The following OSBP variants were observed in gnomAD, a reference collection of about 807,000 sequenced individuals.
OSBP encodes oxysterol-binding protein 1.
A neutral mutation model predicts 96.6 loss-of-function variants in OSBP; 32 were observed. The observed-to-expected ratio is 0.33, with a 90% CI of 0.25 to 0.45. OSBP has a LOEUF of 0.45. Ranked by LOEUF, OSBP falls within the 20% of genes least tolerant of loss-of-function variation. The pLI, the probability that OSBP is intolerant of heterozygous loss-of-function variation, is 1.00. For missense variants in OSBP, 653 were observed against 1,029.7 expected (o/e 0.63, Z 5.01); for synonymous variants, 369 against 389.6 (o/e 0.95, Z 0.62).
intron 1 of OSBP, among the ~76,000 whole-genome samples, chr11:59,612,898 G>A (rs1860869255): frequency 6.6e-6 from 1 of 152,156 alleles, no homozygotes; most frequent in Non-Finnish European, 1.5e-5. Context: ...GGGTACGTAA[G>A]GAAGCCCAGG....
intron 11 of OSBP, 78 bp from the exon 12 acceptor site, chr11:59,578,408 G>C (rs1176886753): frequency 1.4e-5 from 19 of 1,383,704 alleles, no homozygotes; most frequent in Non-Finnish European, 1.9e-5. Context: ...GGAAGTCCTA[G>C]GATAAATAAT....
chr11:59,601,683 C>A lies in OSBP; in HGVS notation c.978G>T (p.Thr326=). Reference sequence around the variant, plus strand: ...TGCCAGGAGTGTTTGCCGGCAGCACCGTGGCTCCTCGGAAGGCCCTCTCCA... The same window carrying A: ...TGCCAGGAGTGTTTGCCGGCAGCACAGTGGCTCCTCGGAAGGCCCTCTCCA... The part of the protein sequence containing the change: ...NHLERAFRGA[T]VLPANTPGNV... The change falls in exon 4 of 14, where the codon ACG becomes ACT. Residue 326 remains threonine, a synonymous_variant. Transcript: ENST00000263847. 6.2e-7 allele frequency: 1 copy of A among 1,613,356 alleles called. No individual in the cohort carries two copies. Among genetic ancestry groups the A allele is most frequent in the Non-Finnish European group, 8.5e-7 (1 of 1,180,026 alleles).
chr11:59,610,663 A>G, intron 1 of OSBP, 74 bp from the exon 2 acceptor site: 2 of 1,223,822 alleles, frequency 1.6e-6, no homozygotes, highest in East Asian at 2.4e-5. Flanking sequence ...ATTTCTTTTC[A>G]TAACTCTGAG....
Position 59,583,628 on chromosome 11 carries a change from ATC to A in OSBP, c.1679-2076_1679-2075del, listed in dbSNP as rs1358890220. 9.3e-5 allele frequency among the ~76,000 whole-genome samples: 13 copies of A among 139,536 alleles called. No individual in the cohort carries two copies. The East Asian group carries it at 1.4e-3, about 16-fold the overall frequency. 91.5% of individuals were successfully genotyped at this position (139,536 alleles called of 152,430 possible). On this transcript the variant is annotated intron_variant, in intron 9 of 13. Coordinates refer to ENST00000263847, the MANE Select transcript of OSBP (RefSeq NM_002556.3). The stretch of plus-strand genomic sequence containing the variant: ...TTTGCTCCACCTAAACATATTCTAA[ATC>A]TCTGTTTTTTTTTTTTTTTTTTTTT...
Position 59,601,653 on chromosome 11 carries a change from C to G in OSBP, c.1008G>C (p.Val336=). 1 of 1,612,718 alleles carries G rather than the reference C, an allele frequency of 6.2e-7. No individual in the cohort carries two copies. The highest frequency in any genetic ancestry group is 8.5e-7 in the Non-Finnish European group (1 of 1,180,014). Residue 336 remains valine, a synonymous_variant, in exon 4 of 14, where the codon GTG becomes GTC. Transcript: ENST00000263847. ...TVLPANTPGN[V]GSGKDQCCSG... ...TAAGTGTCTTACCTTTACCAGAACCCACATTGCCAGGAGTGTTTGCCGGCA... is the reference window on the plus strand; with the variant it reads ...TAAGTGTCTTACCTTTACCAGAACCGACATTGCCAGGAGTGTTTGCCGGCA...
Position 59,587,140 on chromosome 11 carries a change from T to C in OSBP, c.1679-5586A>G, listed in dbSNP as rs377578318. Among the ~76,000 whole-genome samples the C allele has an allele frequency of 3.9e-5, 6 of 152,258 alleles. No individual in the cohort carries two copies. In the South Asian group the frequency reaches 1.0e-3, roughly 26 times the overall value. On this transcript the variant is annotated intron_variant, in intron 9 of 13. Transcript: ENST00000263847. ...AATCATATATCTGATAAGGGATTAATATCTAGAATATACGGAGAACTCCTA... is the reference window on the plus strand; with the variant it reads ...AATCATATATCTGATAAGGGATTAACATCTAGAATATACGGAGAACTCCTA...
At chr11:59,603,352 A>C (rs935828838) in intron 3 of OSBP, among the ~76,000 whole-genome samples, 1 of 152,192 alleles carries the variant, frequency 6.6e-6, no homozygotes. Flanking sequence ...AGAAGCTAAA[A>C]GGTAAACAGG....
intron 1 of OSBP, among the ~76,000 whole-genome samples, chr11:59,612,533 G>T (rs1031034249): frequency 2.0e-5 from 3 of 152,118 alleles, no homozygotes; most frequent in Non-Finnish European, 4.4e-5. Context: ...GTAAACTAAA[G>T]AAGTTTCTCA....
chr11:59,614,295 C>T (rs931857822), intron 1 of OSBP, among the ~76,000 whole-genome samples: 3 of 152,154 alleles, frequency 2.0e-5, no homozygotes, highest in Non-Finnish European at 4.4e-5. Flanking sequence ...TTTTCCTCAT[C>T]AGTAAGATGG....
intron 9 of OSBP, among the ~76,000 whole-genome samples, chr11:59,589,997 A>T (rs1860557828): frequency 6.6e-6 from 1 of 152,088 alleles, no homozygotes; most frequent in African/African-American, 2.4e-5. Context: ...AAAAAAAAGA[A>T]ATTCATATTT....
At chr11:59,611,831 GACA>G (rs753266035) in intron 1 of OSBP, among the ~76,000 whole-genome samples, 4 of 152,184 alleles carry the variant, frequency 2.6e-5, no homozygotes, top group South Asian at 2.1e-4. Context: ...ATTACTTGGT[GACA>G]ACAAGCTATA....
intron 2 of OSBP, among the ~76,000 whole-genome samples, chr11:59,609,327 A>G (rs367830356): frequency 2.6e-5 from 4 of 152,306 alleles, no homozygotes; most frequent in African/African-American, 9.6e-5. Context: ...TAAAGCCACC[A>G]TGAAAAGAAT....
In OSBP at chr11:59,578,173, A is replaced by G; in HGVS notation, c.2036T>C (p.Met679Thr). ...CGGTAAAGGATTCCTTTTCCACAGC[A>G]TGACCCTGCTTTCCTCTGCTTCATG... The part of the protein sequence containing the change: ...RGHEAEESRV[M>T]LWKRNPLPKN... The change falls in exon 12 of 14, where the codon ATG becomes ACG. Residue 679 changes from methionine to threonine, a missense_variant. Met to Thr is a moderately conservative substitution (Grantham distance 81). This residue lies in a region of OSBP where 169 missense variants were observed against 251.5 expected (regional missense o/e 0.67). Coordinates refer to ENST00000263847, the MANE Select transcript of OSBP (RefSeq NM_002556.3). The G allele has an allele frequency of 6.2e-7, 1 of 1,614,174 alleles. No homozygotes were observed. The highest frequency in any genetic ancestry group is 8.5e-7 in the Non-Finnish European group (1 of 1,180,024).
intron 3 of OSBP, 97 bp from the exon 4 acceptor site, chr11:59,601,935 T>A: frequency 9.8e-7 from 1 of 1,025,386 alleles, no homozygotes; most frequent in Non-Finnish European, 1.4e-6. Context: ...TGGGAACTTT[T>A]AACTGGCAAA....
chr11:59,575,626 C>T lies in OSBP; in HGVS notation c.*951G>A, dbSNP rs190559952. 1 of 152,718 alleles carries T rather than the reference C, an allele frequency of 6.5e-6. No individual in the cohort carries two copies. Among genetic ancestry groups the T allele is most frequent in the Non-Finnish European group, 1.5e-5 (1 of 68,038 alleles). The allele number at this position is 152,718 out of a possible 1,614,324, so 9.5% of individuals were successfully genotyped here. A position where few individuals can be genotyped will look rare whatever the true frequency, so the allele number is the denominator to read the frequency against. On this transcript the variant is annotated 3_prime_UTR_variant, in exon 14 of 14. Transcript: ENST00000263847. Reference sequence around the variant, plus strand: ...CTTTTGTTCCACATTAACTTCTGCTCTCAAATTCTGAAGTATATCAGAATG... The same window carrying T: ...CTTTTGTTCCACATTAACTTCTGCTTTCAAATTCTGAAGTATATCAGAATG...
intron 3 of OSBP, among the ~76,000 whole-genome samples, chr11:59,608,239 C>T (rs1173252486): frequency 1.3e-5 from 2 of 152,288 alleles, no homozygotes; most frequent in Middle Eastern, 3.4e-3. Flanking sequence ...AGTGAAGGAA[C>T]CCTGGACTCC....
chr11:59,576,727 GAA>G lies in OSBP; in HGVS notation c.2282-10_2282-9del. ...AGGGATCATATGGTGTGCCTAAAAG[GAA>G]AAGAGAGGAAAGAAAAAAATTAGTG... On this transcript the variant is annotated splice_polypyrimidine_tract_variant and intron_variant, in intron 13 of 13. Coordinates refer to ENST00000263847, the MANE Select transcript of OSBP (RefSeq NM_002556.3). 1 of 1,611,692 alleles carries G rather than the reference GAA, an allele frequency of 6.2e-7. No homozygotes were observed. Among genetic ancestry groups the G allele is most frequent in the Non-Finnish European group, 8.5e-7 (1 of 1,179,384 alleles).
intron 9 of OSBP, 123 bp from the exon 10 acceptor site, chr11:59,581,677 T>A: frequency 1.3e-5 from 7 of 537,142 alleles, no homozygotes; most frequent in Admixed American, 9.1e-5. Context: ...AATAAAACAA[T>A]AAATCAAAAA....
rs1197469501 is a variant in OSBP at position 59,611,150 on chromosome 11, AAAAG to A, written c.363-565_363-562del. Among the ~76,000 whole-genome samples, 289 of 150,670 alleles carry A rather than the reference AAAAG, an allele frequency of 1.9e-3. 1 individual carries two copies. The highest frequency in any genetic ancestry group is 0.012 in the East Asian group (63 of 5,142). Reference sequence around the variant, plus strand: ...AACTCCGTCTCAAAAAAAAAAAAAAAAAAGAAAGAAAGAAAGAAAGAAAGAAATA... The same window carrying A: ...AACTCCGTCTCAAAAAAAAAAAAAAAAAAGAAAGAAAGAAAGAAAGAAATA... On this transcript the variant is annotated intron_variant, in intron 1 of 13. Coordinates refer to ENST00000263847, the MANE Select transcript of OSBP (RefSeq NM_002556.3).
Sources: allele counts gnomAD v4.1 joint callset (sites outside exome capture counted in the v4.1 genomes callset), GRCh38; gene constraint gnomAD v4.1.1; regional missense constraint gnomAD v4.1.1; transcripts MANE v1.5; gene names NCBI Gene and HGNC (gene_info 2026-07-23, HGNC 2026-07-21).